Variants in MYO1E observed in about 807,000 individuals in gnomAD.
MYO1E encodes the protein unconventional myosin-Ie.
Under a neutral mutation model 151.1 loss-of-function variants are expected in MYO1E, and 68 were observed. The ratio of observed to expected loss-of-function variants is 0.45; its 90% confidence interval spans 0.37 to 0.55. The LOEUF is 0.55. MYO1E is among the 20% of genes least tolerant of loss of function. The pLI is 0.00. For missense variants in MYO1E, 1,363 were observed against 1,389.3 expected (o/e 0.98, Z 0.30); for synonymous variants, 601 against 501.7 (o/e 1.20, Z -2.64).
At chr15:59,338,766 G>A (rs2080745704) in intron 1 of MYO1E, among the ~76,000 whole-genome samples, 1 of 152,132 alleles carries the variant, frequency 6.6e-6, no homozygotes, top group Non-Finnish European at 1.5e-5. Context: ...CCAAAGACAG[G>A]GGTGAAACTA....
At chr15:59,245,813 A>C (rs2080126313) in intron 4 of MYO1E, among the ~76,000 whole-genome samples, 1 of 152,230 alleles carries the variant, frequency 6.6e-6, no homozygotes, top group Non-Finnish European at 1.5e-5. Context: ...AGGGCTTCAG[A>C]AATGCCTCTG....
chr15:59,209,846 T>TTTTTTTTTTTTTTTA (rs2079867773), intron 13 of MYO1E, among the ~76,000 whole-genome samples: 1 of 106,998 alleles, frequency 9.3e-6, no homozygotes. Context: ...TTTTTTTTTT[T>TTTTTTTTTTTTTTTA]TGAGACATGG....
intron 15 of MYO1E, among the ~76,000 whole-genome samples, chr15:59,204,013 T>C (rs2079817875): frequency 6.6e-6 from 1 of 152,238 alleles, no homozygotes; most frequent in Non-Finnish European, 1.5e-5. Context: ...TAATAGGCCA[T>C]GTCCGTATGA....
Position 59,206,852 on chromosome 15 carries a change from A to C in MYO1E, c.1531-1367T>G, listed in dbSNP as rs2079837856. 2.9e-6 allele frequency: 4 copies of C among 1,365,858 alleles called. No individual in the cohort carries two copies. The East Asian group carries it at 9.8e-5, about 34-fold the overall frequency. The allele number at this position is 1,365,858 out of a possible 1,614,324, so 84.6% of individuals were successfully genotyped here. A position where few individuals can be genotyped will look rare whatever the true frequency, so the allele number is the denominator to read the frequency against. On this transcript the variant is annotated intron_variant, in intron 14 of 27. Coordinates refer to ENST00000288235, the MANE Select transcript of MYO1E (RefSeq NM_004998.4). ...CACGCGCACCTGCCGTAGAGTGCTG[A>C]AGGTCCTGCCAACGGCTCTCTTGGC...
chr15:59,242,364 T>C (rs1418823776), intron 4 of MYO1E, among the ~76,000 whole-genome samples: 1 of 152,060 alleles, frequency 6.6e-6, no homozygotes, highest in East Asian at 1.9e-4. Flanking sequence ...CAGTGACTGG[T>C]GTGGACGTGT....
At chr15:59,141,876 G>C (rs2079411907) in intron 26 of MYO1E, among the ~76,000 whole-genome samples, 2 of 151,728 alleles carry the variant, frequency 1.3e-5, no homozygotes, top group South Asian at 2.1e-4. Context: ...GGGAGGCCGA[G>C]GTGGGTGGAT....
At chr15:59,330,380 C>T (rs1469864315) in intron 1 of MYO1E, among the ~76,000 whole-genome samples, 5 of 152,194 alleles carry the variant, frequency 3.3e-5, no homozygotes, top group African/African-American at 1.2e-4. Context: ...AAGAGTGGAA[C>T]ATTGCTGACA....
At chr15:59,208,508 C>CA (rs1415595979) in intron 14 of MYO1E, 173 bp downstream of exon 14, 7 of 748,212 alleles carry the variant, frequency 9.4e-6, no homozygotes, top group Admixed American at 2.6e-5. Flanking sequence ...AATGTACATA[C>CA]AAAAAAATGC....
chr15:59,256,262 C>T (rs1316376900), intron 4 of MYO1E, 22 bp downstream of exon 4: 2 of 1,548,626 alleles, frequency 1.3e-6, no homozygotes, highest in Admixed American at 3.3e-5. Context: ...TCCACGCCCA[C>T]TGATAAGGAT....
In MYO1E at chr15:59,149,052, G is replaced by GTT. The variant is rs570700878; in HGVS notation, c.3080+4536_3080+4537dup. 2.9e-3 allele frequency among the ~76,000 whole-genome samples: 376 copies of GTT among 128,128 alleles called. 5 individuals carry two copies. Among genetic ancestry groups the GTT allele is most frequent in the East Asian group, 0.017 (71 of 4,148 alleles). 84.1% of individuals were successfully genotyped at this position (128,128 alleles called of 152,430 possible). ...GTGGATGAACTGTTTTTTTTTTTTT[G>GTT]TTTTTTTTTTTTTTTTTTTTTTGAG... On this transcript the variant is annotated intron_variant, in intron 26 of 27. Transcript: ENST00000288235.
intron 1 of MYO1E, among the ~76,000 whole-genome samples, chr15:59,325,998 A>C (rs2080661631): frequency 6.6e-6 from 1 of 152,184 alleles, no homozygotes; most frequent in Non-Finnish European, 1.5e-5. Context: ...ACGACATTTA[A>C]AGTAATGGGA....
chr15:59,320,041 T>C (rs1398882526), intron 1 of MYO1E, among the ~76,000 whole-genome samples: 1 of 152,156 alleles, frequency 6.6e-6, no homozygotes, highest in Non-Finnish European at 1.5e-5. Context: ...GACATTCAAG[T>C]TGTGAGCCAA....
intron 1 of MYO1E, among the ~76,000 whole-genome samples, chr15:59,292,488 C>A (rs1409159052): frequency 1.3e-5 from 2 of 152,168 alleles, no homozygotes; most frequent in African/African-American, 4.8e-5. Context: ...CAAGGATGGA[C>A]AACAATACGA....
rs1308485369 is a variant in MYO1E, at chr15:59,135,725, A to AT, written c.*1654dup. On this transcript the variant is annotated 3_prime_UTR_variant, in exon 28 of 28. Transcript: ENST00000288235. ...TTTCCCTTATACGTAAGCCCTGATA[A>AT]TTTTTTCCCATGGACTTGAGGATCC... is the stretch of plus-strand genomic sequence containing the variant. The AT allele has an allele frequency of 1.3e-5, 2 of 152,084 alleles. No individual in the cohort carries two copies. Among genetic ancestry groups the AT allele is most frequent in the Non-Finnish European group, 2.9e-5 (2 of 68,022 alleles). The allele number at this position is 152,084 out of a possible 1,614,324, so 9.4% of individuals were successfully genotyped here.
At chr15:59,297,016 TAA>T (rs60597199) in intron 1 of MYO1E, among the ~76,000 whole-genome samples, 443 of 36,086 alleles carry the variant, frequency 0.012, 16 homozygotes, top group Middle Eastern at 0.037. Flanking sequence ...ATCGCCCGGC[TAA>T]TTTTTTGTGT....
chr15:59,222,475 G>A (rs917116863), intron 9 of MYO1E, among the ~76,000 whole-genome samples: 3 of 152,190 alleles, frequency 2.0e-5, no homozygotes, highest in Admixed American at 2.0e-4. Context: ...CCATTTAGGT[G>A]TTGAGGCTCC....
At chr15:59,268,197 A>G (rs1318089679) in intron 2 of MYO1E, among the ~76,000 whole-genome samples, 1 of 152,232 alleles carries the variant, frequency 6.6e-6, no homozygotes, top group Non-Finnish European at 1.5e-5. Context: ...TGCTTTTACC[A>G]CTTAGCAGAG....
intron 1 of MYO1E, among the ~76,000 whole-genome samples, chr15:59,303,457 G>A (rs552900003): frequency 6.8e-4 from 103 of 151,964 alleles, no homozygotes; most frequent in South Asian, 2.1e-3. Flanking sequence ...TGAACCCGAG[G>A]GGCAGAAGTT....
intron 6 of MYO1E, among the ~76,000 whole-genome samples, chr15:59,230,165 C>T (rs2080017822): frequency 6.6e-6 from 1 of 150,692 alleles, no homozygotes; most frequent in Admixed American, 6.6e-5. Flanking sequence ...ATGTGGTTTT[C>T]ATTTACATTT....
Sources: allele counts gnomAD v4.1 joint callset (sites outside exome capture counted in the v4.1 genomes callset), GRCh38; gene constraint gnomAD v4.1.1; transcripts MANE v1.5; gene names NCBI Gene and HGNC (gene_info 2026-07-23, HGNC 2026-07-21).